Variants in DPH6 observed in about 807,000 individuals in gnomAD.
DPH6 encodes diphthamine biosynthesis 6, also known as diphthine--ammonia ligase.
A neutral mutation model predicts 38.2 loss-of-function variants in DPH6; 33 were observed. That is an observed-to-expected ratio of 0.86 (90% CI 0.65 to 1.15). The LOEUF (loss-of-function observed/expected upper bound fraction) is 1.15. Ranked by LOEUF, DPH6 falls within the 50% of genes most tolerant of loss-of-function variation. The pLI, the probability that DPH6 is intolerant of heterozygous loss-of-function variation, is 0.00. For missense variants in DPH6, 325 were observed against 320.0 expected (o/e 1.02, Z -0.12); for synonymous variants, 108 against 103.0 (o/e 1.05, Z -0.30).
At chr15:35,532,268 G>A (rs371042756) in intron 3 of DPH6, among the ~76,000 whole-genome samples, 10 of 152,244 alleles carry the variant, frequency 6.6e-5, no homozygotes, top group African/African-American at 2.4e-4. Context: ...CTTAATCATG[G>A]GTCATTTAAG....
chr15:35,386,345 T>C (rs1375130433), intron 6 of DPH6, among the ~76,000 whole-genome samples: 2 of 152,218 alleles, frequency 1.3e-5, no homozygotes, highest in Non-Finnish European at 2.9e-5. Context: ...TGATTTATAA[T>C]CTTTTGGGTA....
rs533011968 is a variant in DPH6, at chr15:35,249,131, G to A, written n.201-28549C>T. Among the ~76,000 whole-genome samples, 27 of 148,904 alleles carry A rather than the reference G, an allele frequency of 1.8e-4. No individual in the cohort carries two copies. In the South Asian group the frequency reaches 4.8e-3, roughly 26 times the overall value. On this transcript the variant is annotated intron_variant and non_coding_transcript_variant, in intron 3 of 3. Coordinates refer to the DPH6 transcript ENST00000560386. ...ATACAAAGACAAATGTTAATATAGC[G>A]GCTGGACACATTAGGAAAGCATTCC...
intron 6 of DPH6, among the ~76,000 whole-genome samples, chr15:35,390,251 C>G (rs1163202177): frequency 2.6e-5 from 4 of 152,152 alleles, no homozygotes; most frequent in Non-Finnish European, 5.9e-5. Context: ...GTAACCCGAC[C>G]TTTCTCTCTG....
At chr15:35,406,208 T>TGCATGCAGAGAGGGAAG (rs2053290927) in intron 6 of DPH6, among the ~76,000 whole-genome samples, 2 of 152,024 alleles carry the variant, frequency 1.3e-5, no homozygotes, top group South Asian at 4.1e-4. Context: ...AAAGGGATAA[T>TGCATGCAGAGAGGGAAG]GCATGCAGAG....
intron 5 of DPH6, among the ~76,000 whole-genome samples, chr15:35,445,395 CA>C (rs11331685): frequency 0.75 from 93,895 of 125,294 alleles, 35,507 homozygotes; most frequent in Non-Finnish European, 0.83. Flanking sequence ...TCATCATCAT[CA>C]AAAAAAAAAA....
chr15:35,244,343 C>T lies in DPH6; in HGVS notation n.201-23761G>A, dbSNP rs899556053. On this transcript the variant is annotated intron_variant and non_coding_transcript_variant, in intron 3 of 3. Coordinates refer to the DPH6 transcript ENST00000560386. ...TAAATGCTAGGCTTTCTCTATAGCACGTTAGTATAAAATCTTTTTCTCCTT... is the reference window on the plus strand; with the variant it reads ...TAAATGCTAGGCTTTCTCTATAGCATGTTAGTATAAAATCTTTTTCTCCTT... Among the ~76,000 whole-genome samples, 8 of 152,158 alleles carry T rather than the reference C, an allele frequency of 5.3e-5. No homozygotes were observed. In the South Asian group the frequency reaches 8.3e-4, roughly 16 times the overall value.
At chr15:35,234,022 C>T (rs181441700) in intron 3 of DPH6, among the ~76,000 whole-genome samples, 3 of 152,120 alleles carry the variant, frequency 2.0e-5, no homozygotes, top group South Asian at 2.1e-4. Context: ...GTGTATGGCC[C>T]CCAACCCCCC....
At chr15:35,231,452 T>C (rs978498060) in intron 3 of DPH6, among the ~76,000 whole-genome samples, 6 of 152,226 alleles carry the variant, frequency 3.9e-5, no homozygotes, top group East Asian at 1.9e-4. Context: ...TCCAGTGATA[T>C]AGAGTTAAAA....
rs111634337 is a variant in DPH6, at chr15:35,298,962, C to G, written n.200+74559G>C. On this transcript the variant is annotated intron_variant and non_coding_transcript_variant, in intron 3 of 3. Coordinates refer to the DPH6 transcript ENST00000560386. ...GCCCATACTTGTTTTCCTCTTCTCT[C>G]GCTCCTAATCTTCATCTTCATCAGA... 7.4e-4 allele frequency: 571 copies of G among 772,036 alleles called. 2 individuals carry two copies. In the African/African-American group the frequency reaches 8.6e-3, roughly 12 times the overall value. 47.8% of individuals were successfully genotyped at this position (772,036 alleles called of 1,614,324 possible). A position where few individuals can be genotyped will look rare whatever the true frequency, so the allele number is the denominator to read the frequency against.
At chr15:35,343,635 A>G (rs1000464760) in intron 3 of DPH6, among the ~76,000 whole-genome samples, 2 of 152,066 alleles carry the variant, frequency 1.3e-5, no homozygotes, top group African/African-American at 4.8e-5. Context: ...TGATTCTTAG[A>G]TAAATAATTT....
chr15:35,282,547 C>T (rs923102015), intron 3 of DPH6: 3 of 244,648 alleles, frequency 1.2e-5, no homozygotes, highest in Non-Finnish European at 2.6e-5. Context: ...GCTGCCACTG[C>T]CACTGTGCCA....
chr15:35,327,401 A>G (rs1448776978), downstream of DPH6, among the ~76,000 whole-genome samples: 1 of 143,226 alleles, frequency 7.0e-6, no homozygotes, highest in Non-Finnish European at 1.5e-5. Flanking sequence ...GCTGGAGTGC[A>G]GTGACGCAAT....
At chr15:35,189,552 T>C in the DPH6 span, among the ~76,000 whole-genome samples, 19 of 152,354 alleles carry the variant, frequency 1.2e-4, no homozygotes, top group African/African-American at 4.1e-4. Context: ...AAATTCTCTC[T>C]CCCTGTTTTC....
At chr15:35,196,710 T>A in the DPH6 span, among the ~76,000 whole-genome samples, 1 of 152,158 alleles carries the variant, frequency 6.6e-6, no homozygotes, top group Non-Finnish European at 1.5e-5. Context: ...GTCCTTGTCT[T>A]TTTTTCCACA....
At chr15:35,225,664 G>A (rs569264233) in intron 3 of DPH6, among the ~76,000 whole-genome samples, 40 of 152,218 alleles carry the variant, frequency 2.6e-4, no homozygotes, top group African/African-American at 8.9e-4. Flanking sequence ...TCTTCAAAAA[G>A]TCCAGATTTT....
At chr15:35,382,337 G>A (rs1399370324) in intron 6 of DPH6, among the ~76,000 whole-genome samples, 1 of 152,208 alleles carries the variant, frequency 6.6e-6, no homozygotes, top group Non-Finnish European at 1.5e-5. Flanking sequence ...TCGGGAGGCC[G>A]AGGCGGGAGA....
the DPH6 span, among the ~76,000 whole-genome samples, chr15:35,149,138 A>C: frequency 6.6e-6 from 1 of 152,286 alleles, no homozygotes; most frequent in Non-Finnish European, 1.5e-5. Context: ...CAACTTAAGA[A>C]ACAAAGAAAA....
chr15:35,479,743 A>C (rs1389672975), intron 3 of DPH6, among the ~76,000 whole-genome samples: 4 of 152,066 alleles, frequency 2.6e-5, no homozygotes, highest in African/African-American at 9.7e-5. Context: ...GTCTCATGTT[A>C]ATGATCACTA....
chr15:35,334,741 C>CT (rs1311456194), intron 3 of DPH6, among the ~76,000 whole-genome samples: 3 of 152,152 alleles, frequency 2.0e-5, no homozygotes, highest in Non-Finnish European at 2.9e-5. Context: ...AGATTTTGTT[C>CT]TTTTTTTATG....
Sources: gnomAD v4.1 joint callset for allele counts (sites outside exome capture counted in the v4.1 genomes callset) on GRCh38, gnomAD v4.1.1 for gene constraint, MANE v1.5 for transcripts, NCBI Gene and HGNC (gene_info 2026-07-23, HGNC 2026-07-21) for gene names.